Variants in CDK17 observed in about 807,000 individuals in gnomAD.
The protein encoded by CDK17 is cyclin-dependent kinase 17.
A neutral mutation model predicts 77.6 loss-of-function variants in CDK17; 24 were observed. The ratio of observed to expected loss-of-function variants is 0.31; its 90% CI spans 0.22 to 0.44. The LOEUF is 0.44. CDK17 is among the 20% of genes least tolerant of loss of function. CDK17 has a pLI of 1.00. For missense variants in CDK17, 429 were observed against 622.5 expected (o/e 0.69, Z 3.31); for synonymous variants, 203 against 210.4 (o/e 0.96, Z 0.30).
rs1952160659 is a variant in CDK17 at position 96,280,438 on chromosome 12, T to C, written c.1535-159A>G. 4 of 1,435,534 alleles carry C rather than the reference T, an allele frequency of 2.8e-6. No homozygotes were observed. In the African/African-American group the frequency reaches 4.3e-5, roughly 16 times the overall value. The allele number at this position is 1,435,534 out of a possible 1,614,324, so 88.9% of individuals were successfully genotyped here. A position where few individuals can be genotyped will look rare whatever the true frequency, so the allele number is the denominator to read the frequency against. On this transcript the variant is annotated intron_variant, in intron 16 of 16. Transcript: ENST00000261211. ...TTAAATGACCCTTCTGTTGACGGGG[T>C]CAGTCTACAGCTTCTATGCTTCGAA...
rs2137070828 is a variant in CDK17 at position 96,289,255 on chromosome 12, T to C, written c.1030A>G (p.Thr344Ala). 6.2e-7 allele frequency: 1 copy of C among 1,613,950 alleles called. No individual in the cohort carries two copies. The highest frequency in any genetic ancestry group is 1.3e-5 in the African/African-American group (1 of 75,040). The change falls in exon 11 of 17, where the codon ACC becomes GCC. Residue 344 changes from threonine (T) to alanine (A), a missense_variant. Coordinates refer to ENST00000261211, the MANE Select transcript of CDK17 (RefSeq NM_002595.5). ...LARAKSVPTK[T>A]YSNEVVTLWY... ...AGTGTGACAACTTCATTTGAGTAGG[T>C]CTTTGTGGGAACTGACTTGGCTCGG...
chr12:96,310,706 G>A (rs1481534288), intron 5 of CDK17, among the ~76,000 whole-genome samples: 1 of 150,200 alleles, frequency 6.7e-6, no homozygotes, highest in Non-Finnish European at 1.5e-5. Context: ...TATGGTTTGT[G>A]TACTTCTCTG....
intron 1 of CDK17, among the ~76,000 whole-genome samples, chr12:96,341,312 TATAC>T (rs1358140198): frequency 1.3e-5 from 1 of 77,470 alleles, no homozygotes; most frequent in African/African-American, 4.9e-5. Context: ...GCACTTATCA[TATAC>T]ATACACACAC....
chr12:96,381,454 T>C (rs1321018026), intron 1 of CDK17, among the ~76,000 whole-genome samples: 1 of 151,964 alleles, frequency 6.6e-6, no homozygotes, highest in Non-Finnish European at 1.5e-5. Context: ...GCAACTCTTA[T>C]AGATATACTG....
At chr12:96,338,756 T>A (rs941120680) in intron 1 of CDK17, among the ~76,000 whole-genome samples, 3 of 147,316 alleles carry the variant, frequency 2.0e-5, no homozygotes, top group Admixed American at 7.0e-5. Context: ...AATGTTATTG[T>A]CTGAAGCCAC....
chr12:96,330,056 A>T, intron 2 of CDK17, among the ~76,000 whole-genome samples: 1 of 152,244 alleles, frequency 6.6e-6, no homozygotes, highest in Non-Finnish European at 1.5e-5. Flanking sequence ...AAGAAGTCTC[A>T]AGTAGTATAT....
intron 1 of CDK17, chr12:96,387,079 A>G: frequency 2.9e-6 from 1 of 343,594 alleles, no homozygotes; most frequent in South Asian, 3.0e-5. Context: ...TCACGCTTTA[A>G]GATGTGTATC....
intron 1 of CDK17, among the ~76,000 whole-genome samples, chr12:96,358,800 G>A (rs1302201686): frequency 6.6e-6 from 1 of 152,064 alleles, no homozygotes; most frequent in Non-Finnish European, 1.5e-5. Context: ...ACTCCTGCCT[G>A]GGTGACAAGA....
chr12:96,305,081 C>A (rs1000033130), intron 5 of CDK17, among the ~76,000 whole-genome samples: 2 of 152,184 alleles, frequency 1.3e-5, no homozygotes, highest in African/African-American at 4.8e-5. Flanking sequence ...ATACCATTAT[C>A]GTAAGGGCAA....
chr12:96,348,350 C>T (rs933674136), intron 1 of CDK17, among the ~76,000 whole-genome samples: 2 of 151,602 alleles, frequency 1.3e-5, no homozygotes, highest in Non-Finnish European at 2.9e-5. Context: ...CATGGTGAAA[C>T]CCCATCTCTA....
intron 14 of CDK17, among the ~76,000 whole-genome samples, 176 bp downstream of exon 14, chr12:96,283,426 AG>A (rs1277013902): frequency 1.3e-5 from 2 of 148,148 alleles, no homozygotes; most frequent in African/African-American, 5.0e-5. Context: ...CAAGAGACCC[AG>A]ACACATTAGG....
chr12:96,292,665 T>C (rs1053325250), intron 10 of CDK17, among the ~76,000 whole-genome samples: 2 of 152,214 alleles, frequency 1.3e-5, no homozygotes, highest in East Asian at 1.9e-4. Flanking sequence ...AATTTAGTTA[T>C]GGAAAACTGC....
rs370751661 is a variant in CDK17 at position 96,282,615 on chromosome 12, G to A, written c.1366-16C>T. 40 of 1,534,348 alleles carry A rather than the reference G, an allele frequency of 2.6e-5. No homozygotes were observed. The highest frequency in any genetic ancestry group is 3.6e-5 in the Non-Finnish European group (40 of 1,109,220). The stretch of plus-strand genomic sequence containing the variant: ...TAGATTCATACTGTGAAAAAGCAAA[G>A]AACTGCTTCATTAGCTTTTTCTCTA... On this transcript the variant is annotated splice_polypyrimidine_tract_variant and intron_variant, in intron 14 of 16. Transcript: ENST00000261211.
At chr12:96,296,733 A>C (rs1952412461) in intron 9 of CDK17, among the ~76,000 whole-genome samples, 1 of 152,220 alleles carries the variant, frequency 6.6e-6, no homozygotes, top group South Asian at 2.1e-4. Flanking sequence ...TTTTATGGCA[A>C]ACATTTTTAG....
intron 3 of CDK17, among the ~76,000 whole-genome samples, chr12:96,322,491 T>C (rs562645697): frequency 1.3e-3 from 171 of 135,232 alleles, no homozygotes; most frequent in African/African-American, 4.7e-3. Context: ...ACTGCCCCCT[T>C]ACAAAAAAAA....
intron 1 of CDK17, among the ~76,000 whole-genome samples, chr12:96,395,878 G>A (rs1318257457): frequency 1.3e-5 from 2 of 152,350 alleles, no homozygotes; most frequent in African/African-American, 4.8e-5. Flanking sequence ...ACAGCTGAGA[G>A]GGCAGGTGCT....
chr12:96,393,870 TA>T (rs368693829), intron 1 of CDK17, among the ~76,000 whole-genome samples: 2 of 152,142 alleles, frequency 1.3e-5, no homozygotes, highest in East Asian at 1.9e-4. Flanking sequence ...AAAATAATAC[TA>T]AAAAACACAT....
chr12:96,322,877 T>G (rs977417074), intron 3 of CDK17, among the ~76,000 whole-genome samples: 1 of 152,178 alleles, frequency 6.6e-6, no homozygotes, highest in Admixed American at 6.5e-5. Flanking sequence ...TCATCTCTTA[T>G]GAACTAGTGT....
chr12:96,316,640 C>T (rs1485497012), intron 3 of CDK17, among the ~76,000 whole-genome samples: 2 of 131,148 alleles, frequency 1.5e-5, no homozygotes, highest in South Asian at 2.4e-4. Context: ...TCAAGTGGGT[C>T]CCTGACCCCC....
Sources: allele counts gnomAD v4.1 joint callset (sites outside exome capture counted in the v4.1 genomes callset), GRCh38; gene constraint gnomAD v4.1.1; transcripts MANE v1.5; gene names NCBI Gene and HGNC (gene_info 2026-07-23, HGNC 2026-07-21).